RIN3: variants seen among roughly 807,000 people sequenced by gnomAD.
RIN3 encodes RAB5 interacting protein 3.
RIN3 carries 54 observed loss-of-function variants against 76.3 expected under a neutral mutation model. That is an observed-to-expected ratio of 0.71 (90% confidence interval 0.57 to 0.89). The LOEUF (loss-of-function observed/expected upper bound fraction) is 0.89, where lower values mean the gene tolerates loss of function less well. Among genes scored for constraint, RIN3 ranks in the 40% least tolerant of loss-of-function variants. RIN3 has a pLI of 0.00. For synonymous variants in RIN3, 576 were observed against 564.0 expected (o/e 1.02, Z -0.30); for missense variants, 1,256 against 1,322.1 (o/e 0.95, Z 0.78).
chr14:92,515,781 C>T (rs1454473958), intron 1 of RIN3, among the ~76,000 whole-genome samples: 1 of 152,332 alleles, frequency 6.6e-6, no homozygotes, highest in Non-Finnish European at 1.5e-5. Flanking sequence ...GGGAAACATC[C>T]GTTCAGGCCT....
intron 2 of RIN3, among the ~76,000 whole-genome samples, chr14:92,565,018 C>A (rs570443489): frequency 6.6e-6 from 1 of 152,306 alleles, no homozygotes; most frequent in East Asian, 1.9e-4. Context: ...GTAGGAAACC[C>A]AGGCAGCCCC....
At chr14:92,629,843 G>A (rs10148059) in intron 4 of RIN3, among the ~76,000 whole-genome samples, 136,298 of 152,334 alleles carry the variant, frequency 0.89, 61,212 homozygotes, top group African/African-American at 0.94. Flanking sequence ...CAAACCAGAC[G>A]CATCTCCAAA....
chr14:92,557,284 T>A (rs186643417), intron 2 of RIN3, among the ~76,000 whole-genome samples: 57 of 152,330 alleles, frequency 3.7e-4, no homozygotes, highest in Admixed American at 2.0e-4. Context: ...TGCAAAGGCA[T>A]TGAGTGCCCT....
intron 1 of RIN3, among the ~76,000 whole-genome samples, chr14:92,528,209 C>T (rs1032069616): frequency 1.3e-5 from 2 of 152,166 alleles, no homozygotes; most frequent in African/African-American, 4.8e-5. Flanking sequence ...TGGGTGTGCC[C>T]CGTGGGGGCG....
At chr14:92,516,319 T>C (rs1262247994) in intron 1 of RIN3, among the ~76,000 whole-genome samples, 2 of 152,184 alleles carry the variant, frequency 1.3e-5, no homozygotes. Context: ...AGCCTTGGCC[T>C]GATCTAATAC....
intron 1 of RIN3, among the ~76,000 whole-genome samples, chr14:92,529,993 C>T (rs369436354): frequency 1.1e-4 from 17 of 152,298 alleles, no homozygotes; most frequent in African/African-American, 3.1e-4. Flanking sequence ...TGTGACCAGA[C>T]GCTTGCAGGA....
intron 7 of RIN3, among the ~76,000 whole-genome samples, chr14:92,663,465 C>T (rs9323880): frequency 0.33 from 49,837 of 152,084 alleles, 8,442 homozygotes; most frequent in Non-Finnish European, 0.37. Flanking sequence ...GGAATCTCTG[C>T]AGATCCAGAA....
intron 4 of RIN3, among the ~76,000 whole-genome samples, chr14:92,633,679 T>C (rs7146689): frequency 0.17 from 25,487 of 152,148 alleles, 2,275 homozygotes; most frequent in African/African-American, 0.19. Flanking sequence ...ACCCAGTTGG[T>C]GTCTGGAGAA....
intron 1 of RIN3, among the ~76,000 whole-genome samples, chr14:92,547,219 A>G (rs1385897533): frequency 1.9e-5 from 1 of 51,680 alleles, no homozygotes; most frequent in African/African-American, 8.0e-5. Flanking sequence ...TTATTATTAT[A>G]AAATAAATTA....
rs1279840366 is a variant in RIN3 at position 92,652,307 on chromosome 14, G to A, written c.1258G>A (p.Asp420Asn). Residue 420 changes from aspartate to asparagine, a missense_variant, in exon 6 of 10, where the codon GAC (aspartate) becomes AAC (asparagine). This residue lies in a region of RIN3 where 610 missense variants were observed against 626.4 expected (regional missense o/e 0.97). Transcript: ENST00000216487. The surrounding 1 kb of genome is among the most constrained non-coding windows in gnomAD (Gnocchi z 6.4). The stretch of plus-strand genomic sequence containing the variant: ...CAGCCTGCCTCCCCAAGGGACCTCA[G>A]ACGGCCCTGAGGACACGCCCCGGGA... ...QLSLPPQGTS[D>N]GPEDTPREST... 1 of 1,608,538 alleles carries A rather than the reference G, an allele frequency of 6.2e-7. No homozygotes were observed. The highest frequency in any genetic ancestry group is 1.1e-5 in the South Asian group (1 of 90,552).
At position 92,514,618 on chromosome 14, in the gene RIN3, C is replaced by A. The variant is rs1896387817; in HGVS notation, c.44+642C>A. On this transcript the variant is annotated intron_variant, in intron 1 of 9. Transcript: ENST00000216487. The surrounding 1 kb of genome is among the most constrained non-coding windows in gnomAD (Gnocchi z 7.2). The stretch of plus-strand genomic sequence containing the variant: ...TTGGGTAGGGTCCAGGGCGCACGGG[C>A]TGCGCGCGGGCTGTGGATGCATGAC... Among the ~76,000 whole-genome samples the A allele has an allele frequency of 6.6e-6, 1 of 152,228 alleles. No homozygotes were observed. Among genetic ancestry groups the A allele is most frequent in the Non-Finnish European group, 1.5e-5 (1 of 68,038 alleles).
chr14:92,638,002 A>G (rs899119452), intron 4 of RIN3, among the ~76,000 whole-genome samples: 1 of 152,114 alleles, frequency 6.6e-6, no homozygotes, highest in Non-Finnish European at 1.5e-5. Context: ...TAAGAATATC[A>G]CTTAAAGCCT....
chr14:92,562,364 C>T (rs1286350915), intron 2 of RIN3, among the ~76,000 whole-genome samples: 1 of 152,222 alleles, frequency 6.6e-6, no homozygotes, highest in African/African-American at 2.4e-5. Context: ...CCTCTCTAGA[C>T]TGTACTTTTT....
chr14:92,582,290 A>G (rs1490607797), intron 3 of RIN3, among the ~76,000 whole-genome samples: 3 of 151,998 alleles, frequency 2.0e-5, no homozygotes. Context: ...AAACTTTTAA[A>G]AATTCAGTGC....
intron 3 of RIN3, among the ~76,000 whole-genome samples, chr14:92,580,810 C>T (rs774655179): frequency 6.6e-6 from 1 of 152,214 alleles, no homozygotes; most frequent in Non-Finnish European, 1.5e-5. Context: ...GGGTGTGTCA[C>T]CTGTGCCGCA....
intron 3 of RIN3, among the ~76,000 whole-genome samples, chr14:92,584,178 A>AC (rs1884678664): frequency 6.6e-6 from 1 of 151,844 alleles, no homozygotes. Context: ...CTTGAAACCA[A>AC]CCCCCCACAG....
intron 4 of RIN3, among the ~76,000 whole-genome samples, chr14:92,616,647 A>G (rs1285227406): frequency 6.6e-6 from 1 of 152,124 alleles, no homozygotes; most frequent in Non-Finnish European, 1.5e-5. Flanking sequence ...ATTGGGGATC[A>G]AGGAACTCTC....
intron 4 of RIN3, among the ~76,000 whole-genome samples, chr14:92,638,374 TG>T (rs964096475): frequency 6.6e-6 from 1 of 151,612 alleles, no homozygotes; most frequent in Non-Finnish European, 1.5e-5. Flanking sequence ...GGGCGGATGT[TG>T]GGGGGGCAAG....
At chr14:92,538,149 T>C (rs925332777) in intron 1 of RIN3, among the ~76,000 whole-genome samples, 1 of 152,194 alleles carries the variant, frequency 6.6e-6, no homozygotes, top group Non-Finnish European at 1.5e-5. Context: ...TTTGTATTTT[T>C]AGTAGAGACA....
Sources: gnomAD v4.1 joint callset for allele counts (sites outside exome capture counted in the v4.1 genomes callset) on GRCh38, gnomAD v4.1.1 for gene constraint, gnomAD v4.1.1 regional missense constraint, Gnocchi (gnomAD v3.1) non-coding constraint, MANE v1.5 for transcripts, NCBI Gene and HGNC (gene_info 2026-07-23, HGNC 2026-07-21) for gene names.